RPN1: variants seen among roughly 807,000 people sequenced by gnomAD.
RPN1 encodes the protein ribophorin I.
In RPN1, 12 loss-of-function variants were observed where a neutral mutation model predicts 55.5. The ratio of observed to expected loss-of-function variants is 0.22; its 90% CI spans 0.14 to 0.35. The LOEUF is 0.35. RPN1 is among the 10% of genes least tolerant of loss of function. The pLI, the probability that RPN1 is intolerant of heterozygous loss-of-function variation, is 1.00. For synonymous variants in RPN1, 317 were observed against 305.9 expected (o/e 1.04, Z -0.38); for missense variants, 679 against 761.3 (o/e 0.89, Z 1.27).
chr3:128,642,959 G>C (rs972261569), intron 2 of RPN1, among the ~76,000 whole-genome samples: 1 of 151,920 alleles, frequency 6.6e-6, no homozygotes, highest in Admixed American at 6.6e-5. Context: ...GGAGGTTGCA[G>C]TGAGCCGAGA....
At chr3:128,633,739 C>T (rs1189691950) in intron 3 of RPN1, among the ~76,000 whole-genome samples, 1 of 152,084 alleles carries the variant, frequency 6.6e-6, no homozygotes, top group Non-Finnish European at 1.5e-5. Context: ...CACAGTGAAA[C>T]TTTGGGAGGC....
chr3:128,622,503 C>CA (rs2069567663), intron 8 of RPN1, 94 bp from the exon 9 acceptor site: 1 of 1,503,218 alleles, frequency 6.7e-7, no homozygotes, highest in Non-Finnish European at 9.1e-7. Context: ...AGCAGCCATC[C>CA]AAAAATGAAA....
chr3:128,649,076 GAAAC>G (rs1456521278), intron 1 of RPN1, among the ~76,000 whole-genome samples: 18 of 152,220 alleles, frequency 1.2e-4, no homozygotes, highest in East Asian at 3.9e-4. Context: ...TCTTACCACA[GAAAC>G]AAACAAACTA....
chr3:128,623,086 A>C (rs1285182004), intron 8 of RPN1, among the ~76,000 whole-genome samples: 3 of 152,164 alleles, frequency 2.0e-5, no homozygotes, highest in South Asian at 4.1e-4. Context: ...GGTCTCTACA[A>C]CACCACAAAT....
intron 8 of RPN1, among the ~76,000 whole-genome samples, chr3:128,622,896 CAAAAAAA>C (rs781683983): frequency 2.7e-4 from 26 of 98,066 alleles, no homozygotes; most frequent in Admixed American, 1.5e-3. Context: ...AACTCCATCT[CAAAAAAA>C]AAAAAAAAAA....
intron 2 of RPN1, among the ~76,000 whole-genome samples, chr3:128,638,636 T>C (rs926178447): frequency 3.9e-5 from 6 of 152,200 alleles, no homozygotes; most frequent in Admixed American, 2.0e-4. Flanking sequence ...CCTGCCACCA[T>C]GTCCTGTTAA....
chr3:128,636,485 C>A (rs1488398679), intron 3 of RPN1, among the ~76,000 whole-genome samples: 4 of 148,892 alleles, frequency 2.7e-5, no homozygotes, highest in Non-Finnish European at 4.5e-5. Context: ...AAAATAAAGA[C>A]AAAAAAAAAA....
chr3:128,643,534 C>T (rs2069743874), intron 2 of RPN1, among the ~76,000 whole-genome samples: 1 of 151,910 alleles, frequency 6.6e-6, no homozygotes, highest in Non-Finnish European at 1.5e-5. Flanking sequence ...CGGTGGCTCA[C>T]ATTTGTAATC....
chr3:128,646,602 C>G (rs1209661531), intron 1 of RPN1, among the ~76,000 whole-genome samples: 1 of 151,868 alleles, frequency 6.6e-6, no homozygotes, highest in Non-Finnish European at 1.5e-5. Context: ...AGGAGAATTG[C>G]TTGAACCCAG....
Position 128,637,997 on chromosome 3 carries a change from C to G in RPN1, c.435G>C (p.Gln145His). The stretch of plus-strand genomic sequence containing the variant: ...CAAACTGTTTCTCTGACTGGGTGAT[C>G]TGGGTTGGATACGGATGAAGCACAT... ...YTHVLHPYPT[Q>H]ITQSEKQFVV... The change falls in exon 3 of 10, where the codon CAG (glutamine) becomes CAC (histidine). Residue 145 changes from glutamine (Q) to histidine (H), a missense_variant. Around this residue, in one of 3 missense-constraint regions of RPN1, gnomAD observed 352 missense variants for 352.8 expected, o/e 1.00. Coordinates refer to ENST00000296255, the MANE Select transcript of RPN1 (RefSeq NM_002950.4). The G allele has an allele frequency of 1.2e-6, 2 of 1,614,100 alleles. No homozygotes were observed. Among genetic ancestry groups the G allele is most frequent in the Non-Finnish European group, 1.7e-6 (2 of 1,180,016 alleles).
intron 2 of RPN1, among the ~76,000 whole-genome samples, chr3:128,642,801 C>T: frequency 6.6e-6 from 1 of 151,902 alleles, no homozygotes; most frequent in East Asian, 1.9e-4. Context: ...GCGGGTGCAT[C>T]ACCTGAGGAG....
At chr3:128,648,128 T>C (rs1036165544) in intron 1 of RPN1, among the ~76,000 whole-genome samples, 7 of 152,036 alleles carry the variant, frequency 4.6e-5, no homozygotes, top group African/African-American at 1.7e-4. Flanking sequence ...GCGCAGTGGC[T>C]CACACCTGTA....
chr3:128,643,944 ATAATAAC>A (rs1335264879), intron 2 of RPN1, among the ~76,000 whole-genome samples: 2 of 152,140 alleles, frequency 1.3e-5, no homozygotes, highest in African/African-American at 4.8e-5. Context: ...AATAATAATA[ATAATAAC>A]TAATAAGTTC....
intron 5 of RPN1, among the ~76,000 whole-genome samples, chr3:128,627,432 G>A (rs1298671944): frequency 6.6e-6 from 1 of 152,162 alleles, no homozygotes; most frequent in Non-Finnish European, 1.5e-5. Flanking sequence ...AGAGATCTGG[G>A]AAGGTACAAA....
intron 4 of RPN1, among the ~76,000 whole-genome samples, chr3:128,631,129 A>G (rs1331570883): frequency 6.8e-6 from 1 of 147,570 alleles, no homozygotes; most frequent in Non-Finnish European, 1.5e-5. Context: ...AAAAAAAAAT[A>G]TATGGTTTAG....
At chr3:128,631,722 G>A (rs2069643277) in intron 4 of RPN1, among the ~76,000 whole-genome samples, 1 of 152,086 alleles carries the variant, frequency 6.6e-6, no homozygotes, top group Non-Finnish European at 1.5e-5. Flanking sequence ...AGCCTGGGTG[G>A]CAGAGTGAGA....
At chr3:128,632,618 A>C (rs1181587585) in intron 3 of RPN1, among the ~76,000 whole-genome samples, 2 of 152,144 alleles carry the variant, frequency 1.3e-5, no homozygotes, top group Non-Finnish European at 2.9e-5. Context: ...TTTTTGAGAC[A>C]GAGTCTTGCT....
Position 128,625,861 on chromosome 3 carries a change from T to C in RPN1, c.1275+13A>G. 1 of 1,604,326 alleles carries C rather than the reference T, an allele frequency of 6.2e-7. No homozygotes were observed. Among genetic ancestry groups the C allele is most frequent in the Non-Finnish European group, 8.5e-7 (1 of 1,175,642 alleles). ...GGAAGACGCCATGGAAGGCAAACAGTGGAGCCACTCACCACAATGTCCTGA... is the reference window on the plus strand; with the variant it reads ...GGAAGACGCCATGGAAGGCAAACAGCGGAGCCACTCACCACAATGTCCTGA... On this transcript the variant is annotated intron_variant, in intron 7 of 9. Coordinates refer to ENST00000296255, the MANE Select transcript of RPN1 (RefSeq NM_002950.4).
intron 5 of RPN1, among the ~76,000 whole-genome samples, chr3:128,627,959 A>G (rs921199854): frequency 4.6e-5 from 7 of 152,276 alleles, no homozygotes; most frequent in Non-Finnish European, 1.0e-4. Context: ...AATGTAAACA[A>G]TAATTAGAAA....
Sources: allele counts gnomAD v4.1 joint callset (sites outside exome capture counted in the v4.1 genomes callset), GRCh38; gene constraint gnomAD v4.1.1; regional missense constraint gnomAD v4.1.1; transcripts MANE v1.5; gene names NCBI Gene and HGNC (gene_info 2026-07-23, HGNC 2026-07-21).